The following PPP2R2B variants were observed in gnomAD, a reference collection of about 807,000 sequenced individuals.
PPP2R2B encodes serine/threonine-protein phosphatase 2A 55 kDa regulatory subunit B beta isoform.
Under a neutral mutation model 46.0 loss-of-function variants are expected in PPP2R2B, and 5 were observed. The ratio of observed to expected loss-of-function variants is 0.11; its 90% CI spans 0.06 to 0.23. The LOEUF is 0.23. PPP2R2B is among the 10% of genes least tolerant of loss of function. PPP2R2B has a pLI of 1.00. For synonymous variants in PPP2R2B, 215 were observed against 206.7 expected (o/e 1.04, Z -0.34); for missense variants, 367 against 575.0 (o/e 0.64, Z 3.70).
At chr5:146,968,920 T>G (rs1752551130) in intron 1 of PPP2R2B, among the ~76,000 whole-genome samples, 1 of 152,266 alleles carries the variant, frequency 6.6e-6, no homozygotes, top group Admixed American at 6.5e-5. Flanking sequence ...ATTTTCATTT[T>G]GAATATACAA....
At chr5:146,962,278 T>A (rs1752204809) in intron 1 of PPP2R2B, among the ~76,000 whole-genome samples, 1 of 151,404 alleles carries the variant, frequency 6.6e-6, no homozygotes, top group Non-Finnish European at 1.5e-5. Flanking sequence ...TTCCAATGTT[T>A]CCTTTCTCTT....
In PPP2R2B at chr5:146,825,100, G is replaced by A. The variant is rs562116910; in HGVS notation, c.70+52902C>T. Among the ~76,000 whole-genome samples, 5 of 152,268 alleles carry A rather than the reference G, an allele frequency of 3.3e-5. No individual in the cohort carries two copies. The South Asian group carries it at 1.0e-3, about 32-fold the overall frequency. ...CTGAAAAAGCATTTAATGCAACTCC[G>A]CTGATATTTTAAATTTACGTTCCTC... On this transcript the variant is annotated intron_variant, in intron 2 of 9. Transcript: ENST00000394411.
intron 1 of PPP2R2B, among the ~76,000 whole-genome samples, chr5:146,949,190 A>T (rs1764578993): frequency 1.3e-5 from 2 of 152,074 alleles, no homozygotes; most frequent in African/African-American, 4.8e-5. Context: ...GTTTTTTTTT[A>T]CAATCAACAA....
At chr5:147,056,279 A>G (rs1164273232), upstream of PPP2R2B, 1 of 224,984 alleles carries the variant, frequency 4.4e-6, no homozygotes, top group Non-Finnish European at 7.4e-6. Flanking sequence ...ATATTAAAGT[A>G]CAGTGCAATG....
chr5:146,759,157 C>T (rs893771803), intron 2 of PPP2R2B, among the ~76,000 whole-genome samples: 1 of 152,206 alleles, frequency 6.6e-6, no homozygotes, highest in African/African-American at 2.4e-5. Flanking sequence ...TCATTATTAT[C>T]TCCATGTTGA....
At chr5:147,049,971 A>G (rs1218787549) in intron 1 of PPP2R2B, among the ~76,000 whole-genome samples, 1 of 152,170 alleles carries the variant, frequency 6.6e-6, no homozygotes, top group Non-Finnish European at 1.5e-5. Context: ...AGTGTTTAAA[A>G]TGAGATGATT....
At chr5:146,685,039 T>C (rs895224711) in intron 5 of PPP2R2B, among the ~76,000 whole-genome samples, 2 of 152,238 alleles carry the variant, frequency 1.3e-5, no homozygotes, top group Admixed American at 6.5e-5. Context: ...GTGTGTTTCA[T>C]TCATCTTTGT....
At chr5:146,676,293 C>A (rs892273762) in intron 5 of PPP2R2B, among the ~76,000 whole-genome samples, 1 of 152,116 alleles carries the variant, frequency 6.6e-6, no homozygotes, top group Admixed American at 6.5e-5. Flanking sequence ...CGAGGGCTTG[C>A]ATTGCTCATG....
chr5:146,785,744 G>T (rs1387162936), intron 2 of PPP2R2B, among the ~76,000 whole-genome samples: 1 of 152,094 alleles, frequency 6.6e-6, no homozygotes, highest in Non-Finnish European at 1.5e-5. Context: ...CACAGTTGAG[G>T]AGTTAATAGA....
chr5:146,840,176 T>G (rs753477769), intron 2 of PPP2R2B, among the ~76,000 whole-genome samples: 3 of 152,232 alleles, frequency 2.0e-5, no homozygotes, highest in Non-Finnish European at 4.4e-5. Flanking sequence ...TACCAACAGC[T>G]TTGGGTTCAA....
chr5:146,814,113 T>C (rs1213538953), intron 2 of PPP2R2B, among the ~76,000 whole-genome samples: 1 of 151,946 alleles, frequency 6.6e-6, no homozygotes, highest in African/African-American at 2.4e-5. Context: ...CAGTAAATGC[T>C]TTATAATAGA....
chr5:146,720,174 T>C lies in PPP2R2B; in HGVS notation c.71-19032A>G, dbSNP rs577143122. 2.6e-5 allele frequency among the ~76,000 whole-genome samples: 4 copies of C among 152,244 alleles called. No homozygotes were observed. The East Asian group carries it at 5.8e-4, about 22-fold the overall frequency. On this transcript the variant is annotated intron_variant, in intron 2 of 9. Coordinates refer to ENST00000394411, the MANE Select transcript of PPP2R2B (RefSeq NM_181675.4). ...CCTCTCTACAGGGCTGCATGCAAGGTAGCAACACCTTTATCCACACAACGT... is the reference window on the plus strand; with the variant it reads ...CCTCTCTACAGGGCTGCATGCAAGGCAGCAACACCTTTATCCACACAACGT...
chr5:146,713,543 A>G (rs555106955), intron 2 of PPP2R2B, among the ~76,000 whole-genome samples: 8 of 152,294 alleles, frequency 5.3e-5, no homozygotes, highest in African/African-American at 1.7e-4. Flanking sequence ...ACAAGACTCA[A>G]TTTGGCTACA....
intron 2 of PPP2R2B, among the ~76,000 whole-genome samples, chr5:146,724,207 CATG>C (rs1028877224): frequency 7.9e-5 from 12 of 152,078 alleles, no homozygotes; most frequent in African/African-American, 2.9e-4. Flanking sequence ...AGGATTCCCA[CATG>C]ATTTCAAATC....
At chr5:146,786,891 T>C (rs1334547762) in intron 2 of PPP2R2B, among the ~76,000 whole-genome samples, 1 of 152,258 alleles carries the variant, frequency 6.6e-6, no homozygotes. Flanking sequence ...AGCTTTTCTT[T>C]ATAACGAAGC....
chr5:146,887,785 C>A (rs1404273669), intron 1 of PPP2R2B, among the ~76,000 whole-genome samples: 1 of 152,136 alleles, frequency 6.6e-6, no homozygotes, highest in Non-Finnish European at 1.5e-5. Context: ...ATCTGGGCAT[C>A]TGGACACTAT....
chr5:146,787,391 T>C (rs2151290123), intron 2 of PPP2R2B, among the ~76,000 whole-genome samples: 1 of 152,348 alleles, frequency 6.6e-6, no homozygotes. Context: ...AAAAATTGTA[T>C]GTTTTTCAAA....
intron 2 of PPP2R2B, among the ~76,000 whole-genome samples, chr5:146,715,166 T>C (rs1780425994): frequency 6.6e-6 from 1 of 152,188 alleles, no homozygotes; most frequent in Non-Finnish European, 1.5e-5. Flanking sequence ...TACAGACACA[T>C]TGTAAATGGC....
intron 2 of PPP2R2B, among the ~76,000 whole-genome samples, chr5:147,074,854 C>T (rs1580888558): frequency 2.0e-5 from 3 of 152,220 alleles, no homozygotes; most frequent in Admixed American, 6.5e-5. Context: ...TCATCCTTCC[C>T]TCTACATGAG....
Sources: allele counts gnomAD v4.1 joint callset (sites outside exome capture counted in the v4.1 genomes callset), GRCh38; gene constraint gnomAD v4.1.1; transcripts MANE v1.5; gene names NCBI Gene and HGNC (gene_info 2026-07-23, HGNC 2026-07-21).